Variants in AUTS2 observed in about 807,000 individuals in gnomAD.
AUTS2 encodes the protein activator of transcription and developmental regulator AUTS2.
AUTS2 carries 17 observed loss-of-function variants against 112.4 expected under a neutral mutation model. The observed-to-expected ratio is 0.15, with a 90% CI of 0.10 to 0.23. The LOEUF (loss-of-function observed/expected upper bound fraction) is 0.23. Ranked by LOEUF, AUTS2 falls within the 10% of genes least tolerant of loss-of-function variation. The pLI is 1.00. For missense variants in AUTS2, 1,510 were observed against 1,701.6 expected (o/e 0.89, Z 1.98); for synonymous variants, 751 against 702.7 (o/e 1.07, Z -1.09).
intron 5 of AUTS2, among the ~76,000 whole-genome samples, chr7:70,565,521 A>G (rs894439601): frequency 1.3e-5 from 2 of 152,158 alleles, no homozygotes; most frequent in African/African-American, 4.8e-5. Flanking sequence ...TCTACAAAAA[A>G]ATACAAAAAT....
At chr7:70,171,151 G>A (rs1415612438) in intron 4 of AUTS2, among the ~76,000 whole-genome samples, 1 of 152,168 alleles carries the variant, frequency 6.6e-6, no homozygotes, top group African/African-American at 2.4e-5. Flanking sequence ...AGATAACTGA[G>A]CCTATTTCAA....
chr7:70,484,890 A>T (rs565665798), intron 5 of AUTS2, among the ~76,000 whole-genome samples: 1 of 152,370 alleles, frequency 6.6e-6, no homozygotes, highest in East Asian at 1.9e-4. Context: ...AATGCTCAAC[A>T]TCACTAATTA....
At chr7:70,453,399 C>T (rs911393469) in intron 5 of AUTS2, among the ~76,000 whole-genome samples, 5 of 152,208 alleles carry the variant, frequency 3.3e-5, no homozygotes, top group Non-Finnish European at 7.3e-5. Context: ...GCAAGCGCTA[C>T]AGAGCAATGT....
intron 2 of AUTS2, among the ~76,000 whole-genome samples, chr7:70,011,154 T>C (rs1799785719): frequency 6.6e-6 from 1 of 152,202 alleles, no homozygotes. Context: ...AAATAAAGCC[T>C]GAGGGGAGCC....
chr7:69,801,575 A>G (rs748606838), intron 1 of AUTS2, among the ~76,000 whole-genome samples: 1 of 151,856 alleles, frequency 6.6e-6, no homozygotes, highest in African/African-American at 2.4e-5. Flanking sequence ...TGTATGTATA[A>G]TAAAAGACAT....
intron 4 of AUTS2, among the ~76,000 whole-genome samples, chr7:70,142,581 A>G (rs936691747): frequency 7.2e-5 from 11 of 152,178 alleles, no homozygotes; most frequent in Admixed American, 5.2e-4. Context: ...CAATAATGCA[A>G]TTATTCATAA....
chr7:69,833,387 T>G (rs1022214434), intron 1 of AUTS2, among the ~76,000 whole-genome samples: 2 of 152,238 alleles, frequency 1.3e-5, no homozygotes, highest in Admixed American at 6.5e-5. Flanking sequence ...CAATCGTATC[T>G]GAACTACATA....
chr7:70,614,384 A>T (rs1009797870), intron 5 of AUTS2, among the ~76,000 whole-genome samples: 3 of 152,188 alleles, frequency 2.0e-5, no homozygotes, highest in African/African-American at 7.2e-5. Context: ...GTGACTTCAC[A>T]GTCACAGGCC....
intron 5 of AUTS2, among the ~76,000 whole-genome samples, chr7:70,451,968 G>A (rs1330925916): frequency 6.6e-6 from 1 of 152,144 alleles, no homozygotes; most frequent in Non-Finnish European, 1.5e-5. Flanking sequence ...GAGTAAGACA[G>A]CATGAGGCCA....
intron 5 of AUTS2, among the ~76,000 whole-genome samples, chr7:70,604,153 A>G (rs1414137388): frequency 6.6e-6 from 1 of 152,158 alleles, no homozygotes; most frequent in Non-Finnish European, 1.5e-5. Flanking sequence ...ATTCTTTTTG[A>G]TGGTCATTTC....
intron 1 of AUTS2, among the ~76,000 whole-genome samples, chr7:69,673,542 C>T (rs1445545294): frequency 6.6e-6 from 1 of 152,170 alleles, no homozygotes; most frequent in Non-Finnish European, 1.5e-5. Context: ...ATCCAGAAGC[C>T]AGCCTCACCA....
chr7:70,675,800 G>A (rs1187911890), intron 5 of AUTS2, among the ~76,000 whole-genome samples: 3 of 152,172 alleles, frequency 2.0e-5, no homozygotes, highest in Non-Finnish European at 4.4e-5. Context: ...AGGAGTTGCC[G>A]GAGGGGTTGC....
intron 6 of AUTS2, among the ~76,000 whole-genome samples, chr7:70,728,416 C>T (rs1037238676): frequency 6.6e-6 from 1 of 151,926 alleles, no homozygotes; most frequent in Non-Finnish European, 1.5e-5. Context: ...TTTCAAAGTC[C>T]ATCTGGAGGC....
chr7:70,085,437 C>T (rs945329639), intron 2 of AUTS2, among the ~76,000 whole-genome samples: 1 of 151,534 alleles, frequency 6.6e-6, no homozygotes, highest in South Asian at 2.1e-4. Flanking sequence ...ACGATCTTGG[C>T]TCACTGCAAC....
intron 2 of AUTS2, among the ~76,000 whole-genome samples, chr7:70,112,684 T>A (rs1805145702): frequency 6.6e-6 from 1 of 152,012 alleles, no homozygotes; most frequent in Non-Finnish European, 1.5e-5. Context: ...GTGATTTTTT[T>A]ACCTATTTAT....
chr7:69,760,984 A>C (rs1788163178), intron 1 of AUTS2, among the ~76,000 whole-genome samples: 1 of 152,186 alleles, frequency 6.6e-6, no homozygotes, highest in Non-Finnish European at 1.5e-5. Context: ...AGATGGTTGC[A>C]AACAGATTTG....
At chr7:70,706,035 C>T (rs560377809) in intron 6 of AUTS2, among the ~76,000 whole-genome samples, 27 of 152,302 alleles carry the variant, frequency 1.8e-4, no homozygotes, top group African/African-American at 5.8e-4. Context: ...AAAGCATTTC[C>T]TCGTATACAC....
intron 1 of AUTS2, among the ~76,000 whole-genome samples, chr7:69,636,182 G>A (rs557811995): frequency 2.6e-5 from 4 of 152,336 alleles, no homozygotes; most frequent in Admixed American, 2.0e-4. Flanking sequence ...TAGGTTTATT[G>A]TAGAAAAATT....
intron 1 of AUTS2, among the ~76,000 whole-genome samples, chr7:69,804,662 C>T (rs1333282852): frequency 6.6e-6 from 1 of 152,234 alleles, no homozygotes; most frequent in Non-Finnish European, 1.5e-5. Flanking sequence ...ATGAACCCCA[C>T]AGTTACATGG....
Sources: allele counts gnomAD v4.1 joint callset (sites outside exome capture counted in the v4.1 genomes callset), GRCh38; gene constraint gnomAD v4.1.1; transcripts MANE v1.5; gene names NCBI Gene and HGNC (gene_info 2026-07-23, HGNC 2026-07-21).